Variants in DIPK1A observed in about 807,000 individuals in gnomAD.
DIPK1A encodes family with sequence similarity 69 member A.
DIPK1A carries 27 observed loss-of-function variants against 40.8 expected under a neutral mutation model. The observed-to-expected ratio is 0.66, with a 90% confidence interval of 0.49 to 0.91. The LOEUF is 0.91. DIPK1A is among the 40% of genes least tolerant of loss of function. DIPK1A has a pLI of 0.00. For synonymous variants in DIPK1A, 166 were observed against 171.3 expected, an observed-to-expected ratio of 0.97 and a Z score of 0.24; for missense variants, 412 against 505.7, an observed-to-expected ratio of 0.81 and a Z score of 1.78.
chr1:92,926,791 T>G (rs1650530772), intron 1 of DIPK1A, among the ~76,000 whole-genome samples: 1 of 152,226 alleles, frequency 6.6e-6, no homozygotes, highest in African/African-American at 2.4e-5. Flanking sequence ...GAAGTCCATC[T>G]TTTCCATTAT....
chr1:92,912,561 C>T (rs1402694361), intron 1 of DIPK1A, among the ~76,000 whole-genome samples: 1 of 151,974 alleles, frequency 6.6e-6, no homozygotes, highest in Non-Finnish European at 1.5e-5. Context: ...ATGTTAGATA[C>T]CTATAAAAAA....
chr1:92,929,686 T>C (rs1650668768), intron 1 of DIPK1A, among the ~76,000 whole-genome samples: 1 of 152,210 alleles, frequency 6.6e-6, no homozygotes, highest in African/African-American at 2.4e-5. Context: ...TATATGTAAT[T>C]GTTAAATCTA....
exon 5 of DIPK1A, chr1:92,832,885 A>G (rs916755366): frequency 4.7e-6 from 3 of 644,128 alleles, no homozygotes; most frequent in African/African-American, 3.7e-5. Flanking sequence ...AAAACATAAC[A>G]TGGGAAGCGA....
chr1:92,842,712 A>G lies in DIPK1A; in HGVS notation c.*671T>C, dbSNP rs1687424801. ...GCTCAGTCAGCTGCGTGATACTAAG[A>G]TGGGCCCTTTGAATCTTTAGGAAAG... On this transcript the variant is annotated 3_prime_UTR_variant, in exon 5 of 5. Transcript: ENST00000370310. 1.0e-6 allele frequency: 1 copy of G among 985,438 alleles called. No homozygotes were observed. The highest frequency in any genetic ancestry group is 5.2e-4 in the Middle Eastern group (1 of 1,914). The allele number at this position is 985,438 out of a possible 1,614,324, so 61.0% of individuals were successfully genotyped here.
chr1:92,839,031 C>CTT (rs35078348), downstream of DIPK1A, among the ~76,000 whole-genome samples: 7,736 of 118,200 alleles, frequency 0.065, 357 homozygotes, highest in Non-Finnish European at 0.078. Flanking sequence ...AGAGTTGCAG[C>CTT]TTTTTTTTTT....
At chr1:92,919,995 C>A (rs1650209287) in intron 1 of DIPK1A, among the ~76,000 whole-genome samples, 1 of 152,234 alleles carries the variant, frequency 6.6e-6, no homozygotes, top group Non-Finnish European at 1.5e-5. Flanking sequence ...ACAGGCTCAA[C>A]TTGAGACCCT....
chr1:92,842,061 T>C (rs1199182559), downstream of DIPK1A: 1 of 788,630 alleles, frequency 1.3e-6, no homozygotes, highest in African/African-American at 1.8e-5. Flanking sequence ...AGTTGTTATT[T>C]CTTGGGCTTC....
chr1:92,916,956 C>T (rs897305927), intron 1 of DIPK1A, among the ~76,000 whole-genome samples: 25 of 152,172 alleles, frequency 1.6e-4, no homozygotes, highest in African/African-American at 5.3e-4. Context: ...AATTCCAATA[C>T]ACTAGAACAG....
chr1:92,834,935 T>C (rs780601749), intron 4 of DIPK1A: 3 of 1,599,830 alleles, frequency 1.9e-6, no homozygotes, highest in South Asian at 1.1e-5. Context: ...ATGATTTTAA[T>C]TGATGTAGTT....
chr1:92,942,153 C>G (rs554569880), intron 1 of DIPK1A, among the ~76,000 whole-genome samples: 64 of 152,278 alleles, frequency 4.2e-4, no homozygotes, highest in African/African-American at 1.5e-3. Flanking sequence ...AGGAAGAACT[C>G]AAAAACTAAG....
chr1:92,906,866 A>C (rs1649644576), intron 1 of DIPK1A, among the ~76,000 whole-genome samples: 1 of 152,182 alleles, frequency 6.6e-6, no homozygotes, highest in African/African-American at 2.4e-5. Flanking sequence ...TCTTATCTTT[A>C]AAGATTGTAC....
chr1:92,956,703 T>C (rs1651869681), intron 1 of DIPK1A, among the ~76,000 whole-genome samples: 1 of 152,132 alleles, frequency 6.6e-6, no homozygotes, highest in Non-Finnish European at 1.5e-5. Context: ...AACCAAACCA[T>C]CCACAGCAGT....
intron 1 of DIPK1A, among the ~76,000 whole-genome samples, chr1:92,914,826 C>G (rs1365669175): frequency 1.4e-5 from 2 of 147,214 alleles, no homozygotes; most frequent in African/African-American, 2.6e-5. Context: ...TGGCTCACAC[C>G]TGTAATCCCA....
At chr1:92,924,358 A>G (rs1650395979) in intron 1 of DIPK1A, among the ~76,000 whole-genome samples, 2 of 151,844 alleles carry the variant, frequency 1.3e-5, no homozygotes, top group African/African-American at 4.8e-5. Context: ...AAGGACATTC[A>G]GAAAAATGTT....
intron 1 of DIPK1A, among the ~76,000 whole-genome samples, chr1:92,888,638 A>G (rs981386395): frequency 2.8e-4 from 43 of 152,176 alleles, no homozygotes; most frequent in African/African-American, 9.7e-4. Flanking sequence ...ACACTAATTT[A>G]CATTTCCACA....
chr1:92,857,478 C>T (rs1048703766), intron 2 of DIPK1A, among the ~76,000 whole-genome samples: 9 of 151,972 alleles, frequency 5.9e-5, no homozygotes, highest in Admixed American at 1.3e-4. Context: ...CCTGCCATCA[C>T]GCCCAGCTAA....
At chr1:92,848,666 A>ATATT (rs1302506877) in intron 3 of DIPK1A, among the ~76,000 whole-genome samples, 1 of 152,102 alleles carries the variant, frequency 6.6e-6, no homozygotes, top group Non-Finnish European at 1.5e-5. Flanking sequence ...TAAAATTATC[A>ATATT]TATTTATTTA....
chr1:92,834,797 G>A lies in DIPK1A; in HGVS notation c.475-1763C>T, dbSNP rs1231286148. On this transcript the variant is annotated intron_variant, in intron 4 of 4. Transcript: ENST00000615519. ...ACTATAGATTGCTTATGCCCGTATA[G>A]AGGGGGATATGATAGTCTGCGCAGC... The A allele has an allele frequency of 1.9e-6, 3 of 1,613,300 alleles. No homozygotes were observed. The highest frequency in any genetic ancestry group is 1.7e-4 in the Middle Eastern group (1 of 5,838).
intron 1 of DIPK1A, among the ~76,000 whole-genome samples, chr1:92,935,882 G>A (rs1169737104): frequency 1.3e-5 from 2 of 151,950 alleles, no homozygotes; most frequent in Non-Finnish European, 2.9e-5. Context: ...CGACCAGCCT[G>A]GGTAACAAAG....
Sources: gnomAD v4.1 joint callset for allele counts (sites outside exome capture counted in the v4.1 genomes callset) on GRCh38, gnomAD v4.1.1 for gene constraint, MANE v1.5 for transcripts, NCBI Gene and HGNC (gene_info 2026-07-23, HGNC 2026-07-21) for gene names.